SHANK2: variants seen among roughly 807,000 people sequenced by gnomAD.
SHANK2 encodes the protein SH3 and multiple ankyrin repeat domains 2.
In SHANK2, 43 loss-of-function variants were observed where a neutral mutation model predicts 133.7. The observed-to-expected ratio is 0.32, with a 90% CI of 0.25 to 0.41. The LOEUF is 0.41. Ranked by LOEUF, SHANK2 falls within the 10% of genes least tolerant of loss-of-function variation. The probability of loss-of-function intolerance (pLI) is 1.00; values close to 1 mark genes in which losing one functional copy is unlikely to be tolerated. For synonymous variants in SHANK2, 1,017 were observed against 952.8 expected (o/e 1.07, Z -1.24); for missense variants, 1,994 against 2,235.8 (o/e 0.89, Z 2.18).
intron 11 of SHANK2, among the ~76,000 whole-genome samples, chr11:70,852,973 T>C (rs1261414950): frequency 2.0e-5 from 3 of 152,230 alleles, no homozygotes; most frequent in African/African-American, 7.2e-5. Flanking sequence ...CAACGTTCCC[T>C]GAACCAGTGG....
chr11:70,950,764 T>C (rs1029320870), intron 10 of SHANK2, among the ~76,000 whole-genome samples: 1 of 151,850 alleles, frequency 6.6e-6, no homozygotes, highest in Non-Finnish European at 1.5e-5. Flanking sequence ...CATGCCACCA[T>C]GCCCAGCTAA....
chr11:70,712,112 T>C (rs1366828223), intron 14 of SHANK2, among the ~76,000 whole-genome samples: 1 of 151,642 alleles, frequency 6.6e-6, no homozygotes, highest in Non-Finnish European at 1.5e-5. Flanking sequence ...ATCCACTTGC[T>C]TCCCCCGCCC....
chr11:70,804,772 T>A lies in SHANK2; in HGVS notation c.1663+2230A>T, dbSNP rs1188528882. ...GTGTGAGATGTGGATTCGCCTGCCA[T>A]GTCCCAGGACCCCTGCGAGTCCTGG... On this transcript the variant is annotated intron_variant, in intron 13 of 25. Coordinates refer to ENST00000601538, the MANE Select transcript of SHANK2 (RefSeq NM_012309.5). The surrounding 1 kb of genome is among the most constrained non-coding windows in gnomAD (Gnocchi z 4.1). 6.6e-6 allele frequency among the ~76,000 whole-genome samples: 1 copy of A among 152,148 alleles called. No individual in the cohort carries two copies. The highest frequency in any genetic ancestry group is 6.5e-5 in the Admixed American group (1 of 15,288).
chr11:70,930,085 C>T (rs781858277), intron 10 of SHANK2, among the ~76,000 whole-genome samples: 1 of 152,190 alleles, frequency 6.6e-6, no homozygotes, highest in Non-Finnish European at 1.5e-5. Context: ...CATGACTATG[C>T]TCCAGAAAAT....
At chr11:70,545,603 C>T (rs1003241078) in intron 17 of SHANK2, among the ~76,000 whole-genome samples, 2 of 152,262 alleles carry the variant, frequency 1.3e-5, no homozygotes, top group African/African-American at 4.8e-5. Context: ...CCGTACGGCG[C>T]CTGCACACGG....
chr11:70,780,080 G>A (rs1258095752), intron 14 of SHANK2, among the ~76,000 whole-genome samples: 3 of 152,182 alleles, frequency 2.0e-5, no homozygotes, highest in Non-Finnish European at 4.4e-5. Flanking sequence ...AAGCCCCCAT[G>A]GAGAAATCAG....
chr11:70,922,780 TA>T (rs1565407641), intron 10 of SHANK2, among the ~76,000 whole-genome samples: 1 of 152,066 alleles, frequency 6.6e-6, no homozygotes, highest in African/African-American at 2.4e-5. Context: ...AGTGAGCAAG[TA>T]ATAAAGAACA....
At chr11:70,933,396 G>A in intron 10 of SHANK2, 2 of 443,132 alleles carry the variant, frequency 4.5e-6, no homozygotes, top group South Asian at 3.2e-5. Flanking sequence ...GTTTAATGGG[G>A]ACAGAGTTTC....
At chr11:70,639,451 C>T (rs1555005501) in intron 17 of SHANK2, among the ~76,000 whole-genome samples, 2 of 152,066 alleles carry the variant, frequency 1.3e-5, no homozygotes, top group African/African-American at 4.8e-5. Flanking sequence ...TTTATAAGGG[C>T]ACTACTCCTC....
chr11:71,173,643 C>T (rs57007124), intron 2 of SHANK2, among the ~76,000 whole-genome samples: 5 of 152,186 alleles, frequency 3.3e-5, no homozygotes, highest in East Asian at 3.8e-4. Context: ...AGTGCACTGG[C>T]GTGAAGAGTG....
intron 11 of SHANK2, among the ~76,000 whole-genome samples, chr11:70,843,712 C>G (rs1948951113): frequency 6.6e-6 from 1 of 151,934 alleles, no homozygotes; most frequent in Admixed American, 6.6e-5. Flanking sequence ...AACATAGAGG[C>G]CTGCTGTTGA....
intron 2 of SHANK2, among the ~76,000 whole-genome samples, chr11:71,183,108 G>A (rs745583346): frequency 2.8e-5 from 4 of 144,632 alleles, no homozygotes; most frequent in Non-Finnish European, 3.0e-5. Context: ...TGACAGTTTC[G>A]ATGAGGAGGA....
chr11:70,478,148 G>A (rs542254745), intron 25 of SHANK2, among the ~76,000 whole-genome samples: 2 of 151,736 alleles, frequency 1.3e-5, no homozygotes, highest in African/African-American at 4.8e-5. Context: ...GAAGCAAGTG[G>A]CTTTTTTACT....
intron 17 of SHANK2, among the ~76,000 whole-genome samples, chr11:70,533,889 T>C (rs2059511485): frequency 6.6e-6 from 1 of 152,212 alleles, no homozygotes; most frequent in South Asian, 2.1e-4. Flanking sequence ...CTGCTTCTTT[T>C]ACTCAGTGTC....
intron 2 of SHANK2, among the ~76,000 whole-genome samples, chr11:71,217,839 A>C (rs1954444665): frequency 6.6e-6 from 1 of 152,180 alleles, no homozygotes; most frequent in African/African-American, 2.4e-5. Flanking sequence ...ATTACTGCAA[A>C]AGAGTCAAGA....
chr11:70,578,835 T>C (rs1240997343), intron 17 of SHANK2, among the ~76,000 whole-genome samples: 1 of 152,176 alleles, frequency 6.6e-6, no homozygotes, highest in African/African-American at 2.4e-5. Flanking sequence ...TTATTCATGA[T>C]GGTTTAGATG....
In SHANK2 at chr11:70,931,985, C is replaced by T. The variant is rs782793761; in HGVS notation, c.1108-35418G>A. Among the ~76,000 whole-genome samples the T allele has an allele frequency of 9.9e-5, 15 of 152,180 alleles. 1 individual carries two copies. Among genetic ancestry groups the T allele is most frequent in the East Asian group, 3.8e-4 (2 of 5,200 alleles). ...TTAAGAAACACTGAAAGAGCCTCTA[C>T]GTGCAGTATTTATTACCAATTTCCA... On this transcript the variant is annotated intron_variant, in intron 10 of 25. Transcript: ENST00000601538.
intron 9 of SHANK2, among the ~76,000 whole-genome samples, chr11:71,063,555 G>A (rs1951012906): frequency 6.6e-6 from 1 of 152,178 alleles, no homozygotes; most frequent in African/African-American, 2.4e-5. Flanking sequence ...TTACAGAGAA[G>A]GTTAATGTGA....
At chr11:70,910,951 A>G in intron 10 of SHANK2, 1 of 456,712 alleles carries the variant, frequency 2.2e-6, no homozygotes, top group Non-Finnish European at 4.4e-6. Flanking sequence ...ACATGTGCAC[A>G]TAATTCGATT....
Sources: gnomAD v4.1 joint callset for allele counts (sites outside exome capture counted in the v4.1 genomes callset) on GRCh38, gnomAD v4.1.1 for gene constraint, Gnocchi (gnomAD v3.1) non-coding constraint, MANE v1.5 for transcripts, NCBI Gene and HGNC (gene_info 2026-07-23, HGNC 2026-07-21) for gene names.